Variants in RHOT1 observed in about 807,000 individuals in gnomAD.
The protein encoded by RHOT1 is ras homolog family member T1.
Under a neutral mutation model 95.3 loss-of-function variants are expected in RHOT1, and 27 were observed. That is an observed-to-expected ratio of 0.28 (90% CI 0.21 to 0.39). The LOEUF (loss-of-function observed/expected upper bound fraction) is 0.39. Ranked by LOEUF, RHOT1 falls within the 10% of genes least tolerant of loss-of-function variation. The probability of loss-of-function intolerance (pLI) is 1.00; values close to 1 mark genes in which losing one functional copy is unlikely to be tolerated. For missense variants in RHOT1, 578 were observed against 786.7 expected, an observed-to-expected ratio of 0.73 and a Z score of 3.17; for synonymous variants, 227 against 263.5, an observed-to-expected ratio of 0.86 and a Z score of 1.34.
intron 12 of RHOT1, 46 bp downstream of exon 12, chr17:32,199,077 T>C (rs752421499): frequency 7.4e-7 from 1 of 1,355,972 alleles, no homozygotes; most frequent in East Asian, 2.3e-5. Flanking sequence ...TAAAACATTT[T>C]TCTATGGATG....
chr17:32,183,215 C>T lies in RHOT1; in HGVS notation c.483C>T (p.Tyr161=), dbSNP rs201021051. 68 of 1,560,964 alleles carry T rather than the reference C, an allele frequency of 4.4e-5. No homozygotes were observed. The highest frequency in any genetic ancestry group is 3.9e-4 in the South Asian group (32 of 82,362). The change falls in exon 8 of 20, where the codon TAC becomes TAT. Residue 161 remains tyrosine (Y), a synonymous_variant. Coordinates refer to ENST00000545287, the MANE Select transcript of RHOT1 (RefSeq NM_001033566.3). ...NLKNISELFY[Y]AQKAVLHPTG... is the part of the protein sequence containing the mutation. Reference sequence around the variant, plus strand: ...AGAACATATCAGAGCTCTTTTATTACGCACAGAAAGCTGTTCTTCATCCTA... The same window carrying T: ...AGAACATATCAGAGCTCTTTTATTATGCACAGAAAGCTGTTCTTCATCCTA...
At chr17:32,193,511 C>CA (rs1045430544) in intron 10 of RHOT1, among the ~76,000 whole-genome samples, 5 of 150,054 alleles carry the variant, frequency 3.3e-5, no homozygotes, top group African/African-American at 7.3e-5. Flanking sequence ...ATATCTGGAA[C>CA]AAAAAAAAAG....
At chr17:32,174,119 G>A (rs1020813711) in intron 3 of RHOT1, among the ~76,000 whole-genome samples, 3 of 152,118 alleles carry the variant, frequency 2.0e-5, no homozygotes, top group African/African-American at 7.2e-5. Flanking sequence ...TTCGTCCCCA[G>A]ATTACTAAGT....
intron 1 of RHOT1, among the ~76,000 whole-genome samples, chr17:32,158,299 G>A (rs149983019): frequency 1.5e-4 from 23 of 152,316 alleles, no homozygotes; most frequent in Non-Finnish European, 1.5e-4. Flanking sequence ...ATGTAGAAGC[G>A]TAAGTTAATA....
intron 9 of RHOT1, 146 bp from the exon 10 acceptor site, chr17:32,192,990 A>T (rs368211249): frequency 1.4e-4 from 81 of 578,278 alleles, no homozygotes; most frequent in East Asian, 7.6e-4. Context: ...TAATACATTT[A>T]AAAAAGTGGT....
chr17:32,222,955 T>C, intron 19 of RHOT1: 8 of 871,842 alleles, frequency 9.2e-6, no homozygotes, highest in Non-Finnish European at 1.1e-5. Flanking sequence ...TTGAAAAACC[T>C]AAGCATTTTC....
chr17:32,220,036 A>G (rs2038729406), intron 19 of RHOT1, among the ~76,000 whole-genome samples: 2 of 152,360 alleles, frequency 1.3e-5, no homozygotes, highest in South Asian at 2.1e-4. Context: ...CTAAATATAG[A>G]GAAAAATTTT....
rs181418146 is a variant in RHOT1, at chr17:32,175,518, G to A, written c.222+156G>A. Among the ~76,000 whole-genome samples, 11 of 152,184 alleles carry A rather than the reference G, an allele frequency of 7.2e-5. No individual in the cohort carries two copies. In the East Asian group the frequency reaches 9.7e-4, roughly 13 times the overall value. ...CCACTCTGTCACCCAGTGCAGTGGC[G>A]CAATTTTGCCTTATCGCAACCTCCA... On this transcript the variant is annotated intron_variant, in intron 4 of 19. Coordinates refer to ENST00000545287, the MANE Select transcript of RHOT1 (RefSeq NM_001033566.3).
intron 2 of RHOT1, among the ~76,000 whole-genome samples, chr17:32,172,717 G>A (rs2034678574): frequency 6.6e-6 from 1 of 152,338 alleles, no homozygotes; most frequent in African/African-American, 2.4e-5. Flanking sequence ...TGTAATCCCA[G>A]CTACCTGGGA....
At chr17:32,151,641 G>A in intron 1 of RHOT1, 1 of 228,306 alleles carries the variant, frequency 4.4e-6, no homozygotes, top group Non-Finnish European at 8.9e-6. Flanking sequence ...CCAGCACTTT[G>A]GGAGGCCGAG....
At chr17:32,155,310 C>T (rs535985732) in intron 1 of RHOT1, among the ~76,000 whole-genome samples, 2 of 151,900 alleles carry the variant, frequency 1.3e-5, no homozygotes, top group African/African-American at 4.8e-5. Flanking sequence ...CAGGTGCCCA[C>T]CACCACGCCT....
intron 8 of RHOT1, among the ~76,000 whole-genome samples, chr17:32,189,277 C>T (rs903297399): frequency 2.6e-5 from 4 of 151,932 alleles, no homozygotes; most frequent in Admixed American, 2.0e-4. Context: ...CCAGCCTGGG[C>T]GACAGAGCGA....
At position 32,206,192 on chromosome 17, in the gene RHOT1, CTTTTTTTTTTT is replaced by C. The variant is rs71144812; in HGVS notation, c.1417-698_1417-688del. On this transcript the variant is annotated intron_variant, in intron 16 of 19. Coordinates refer to ENST00000545287, the MANE Select transcript of RHOT1 (RefSeq NM_001033566.3). ...TCACTAATACTAGCTTCCATAGAAT[CTTTTTTTTTTT>C]TTTTTTTTTTTTTTTTTTTGAGACA... Among the ~76,000 whole-genome samples, 453 of 60,546 alleles carry C rather than the reference CTTTTTTTTTTT, an allele frequency of 7.5e-3. 3 individuals carry two copies. The highest frequency in any genetic ancestry group is 0.029 in the African/African-American group (381 of 13,018). 39.7% of individuals were successfully genotyped at this position (60,546 alleles called of 152,430 possible).
intron 1 of RHOT1, 149 bp downstream of exon 1, chr17:32,142,878 A>G (rs1298844900): frequency 6.4e-6 from 5 of 785,722 alleles, no homozygotes; most frequent in Non-Finnish European, 1.1e-5. Context: ...CCGCGTTCCT[A>G]GGCCTTCCAG....
At chr17:32,164,258 G>A (rs773065646) in intron 1 of RHOT1, among the ~76,000 whole-genome samples, 3 of 151,744 alleles carry the variant, frequency 2.0e-5, no homozygotes, top group African/African-American at 4.8e-5. Flanking sequence ...TTTTTTAGAC[G>A]GAGTGTCGCT....
intron 2 of RHOT1, among the ~76,000 whole-genome samples, chr17:32,172,690 G>T (rs940514966): frequency 6.6e-6 from 1 of 152,210 alleles, no homozygotes; most frequent in African/African-American, 2.4e-5. Flanking sequence ...AATTAGCCAG[G>T]TATGGTGGCG....
intron 19 of RHOT1, among the ~76,000 whole-genome samples, chr17:32,215,188 C>A (rs2038394169): frequency 6.6e-6 from 1 of 152,008 alleles, no homozygotes; most frequent in Non-Finnish European, 1.5e-5. Context: ...GCCACCGCAC[C>A]CAGCTGTCAT....
At position 32,142,689 on chromosome 17, in the gene RHOT1, C is replaced by T; in HGVS notation, c.-4C>T. ...GCGGAGGCCGGCCCCCGAGAGCCGC[C>T]GACATGAAGAAAGACGTGCGGATCC... On this transcript the variant is annotated 5_prime_UTR_variant, in exon 1 of 20. Transcript: ENST00000545287. 1 of 1,531,474 alleles carries T rather than the reference C, an allele frequency of 6.5e-7. No individual in the cohort carries two copies. 94.9% of individuals were successfully genotyped at this position (1,531,474 alleles called of 1,614,324 possible).
At chr17:32,215,482 A>C (rs1253393700) in intron 19 of RHOT1, among the ~76,000 whole-genome samples, 1 of 152,154 alleles carries the variant, frequency 6.6e-6, no homozygotes, top group African/African-American at 2.4e-5. Context: ...AAAATGAAGA[A>C]TATATGGAAC....
Sources: allele counts gnomAD v4.1 joint callset (sites outside exome capture counted in the v4.1 genomes callset), GRCh38; gene constraint gnomAD v4.1.1; transcripts MANE v1.5; gene names NCBI Gene and HGNC (gene_info 2026-07-23, HGNC 2026-07-21).